FYTTD1: variants seen among roughly 807,000 people sequenced by gnomAD.
FYTTD1 encodes the protein forty-two-three domain containing 1.
Under a neutral mutation model 40.9 loss-of-function variants are expected in FYTTD1, and 22 were observed. That is an observed-to-expected ratio of 0.54 (90% CI 0.38 to 0.77). FYTTD1 has a LOEUF of 0.77. Among genes scored for constraint, FYTTD1 ranks in the 30% least tolerant of loss-of-function variants. The pLI, the probability that FYTTD1 is intolerant of heterozygous loss-of-function variation, is 0.00. For missense variants in FYTTD1, 351 were observed against 392.2 expected (o/e 0.90, Z 0.89); for synonymous variants, 140 against 137.9 (o/e 1.01, Z -0.10).
intron 2 of FYTTD1, among the ~76,000 whole-genome samples, 192 bp downstream of exon 2, chr3:197,756,749 C>G (rs905594487): frequency 1.3e-5 from 2 of 152,212 alleles, no homozygotes; most frequent in Admixed American, 6.5e-5. Context: ...GTAACACTGT[C>G]TCTTAAACGT....
chr3:197,774,003 G>A (rs1729797597), intron 5 of FYTTD1, 146 bp from the exon 6 acceptor site: 4 of 711,510 alleles, frequency 5.6e-6, no homozygotes, highest in Non-Finnish European at 9.9e-6. Context: ...ACGCCCCACT[G>A]GGTTAGGAAG....
At chr3:197,750,828 G>A (rs1307024363) in intron 1 of FYTTD1, 2 of 985,506 alleles carry the variant, frequency 2.0e-6, no homozygotes, top group Non-Finnish European at 2.4e-6. Context: ...GCCAGGTAAA[G>A]CGTGGGGTTC....
chr3:197,756,228 G>A (rs1482804824), intron 1 of FYTTD1, among the ~76,000 whole-genome samples, 198 bp from the exon 2 acceptor site: 3 of 152,096 alleles, frequency 2.0e-5, no homozygotes, highest in Non-Finnish European at 2.9e-5. Context: ...GAAATACTAT[G>A]GCCAATAGCA....
At chr3:197,765,072 C>T (rs546857643) in intron 2 of FYTTD1, among the ~76,000 whole-genome samples, 29 of 152,106 alleles carry the variant, frequency 1.9e-4, no homozygotes, top group African/African-American at 6.7e-4. Flanking sequence ...AGGCTGGTCT[C>T]GAACTCCTGA....
intron 1 of FYTTD1, among the ~76,000 whole-genome samples, chr3:197,752,646 CTA>C (rs528633535): frequency 4.6e-5 from 7 of 151,812 alleles, no homozygotes; most frequent in Admixed American, 1.3e-4. Flanking sequence ...TATACATACA[CTA>C]TATATATGTG....
intron 6 of FYTTD1, 25 bp from the exon 7 acceptor site, chr3:197,776,901 AT>A (rs763515831): frequency 1.5e-5 from 23 of 1,488,484 alleles, no homozygotes; most frequent in Admixed American, 3.4e-5. Flanking sequence ...CATTTAATGA[AT>A]TTTTTTTATT....
At chr3:197,778,949 T>C (rs888362368) in intron 8 of FYTTD1, among the ~76,000 whole-genome samples, 1 of 152,210 alleles carries the variant, frequency 6.6e-6, no homozygotes, top group Non-Finnish European at 1.5e-5. Flanking sequence ...TCTAACCTTT[T>C]GAGGAACTGC....
chr3:197,752,366 G>A (rs925526833), intron 1 of FYTTD1, among the ~76,000 whole-genome samples: 1 of 152,158 alleles, frequency 6.6e-6, no homozygotes, highest in Admixed American at 6.5e-5. Context: ...TTACCACATA[G>A]GGTTGCTGAA....
intron 2 of FYTTD1, among the ~76,000 whole-genome samples, chr3:197,765,750 A>G (rs1729524642): frequency 6.6e-6 from 1 of 151,048 alleles, no homozygotes; most frequent in Admixed American, 6.6e-5. Flanking sequence ...TAATCCAAGC[A>G]CTCTCGGAGG....
At chr3:197,769,629 A>T (rs1409246839) in intron 3 of FYTTD1, among the ~76,000 whole-genome samples, 3 of 152,028 alleles carry the variant, frequency 2.0e-5, no homozygotes, top group Admixed American at 2.0e-4. Flanking sequence ...TTCGCCTCTA[A>T]CCACGTCTAC....
chr3:197,774,336 T>C, intron 6 of FYTTD1, 126 bp downstream of exon 6: 2 of 762,020 alleles, frequency 2.6e-6, no homozygotes, highest in Non-Finnish European at 4.4e-6. Flanking sequence ...GTCTGAAAGC[T>C]GGGCATAGTG....
Position 197,781,998 on chromosome 3 carries a change from C to A in FYTTD1, c.*89C>A. ...CACGGAAATTCAAGAAACTTTACTT[C>A]AAAATATTCACAAGGCTAAATAACT... On this transcript the variant is annotated 3_prime_UTR_variant, in exon 9 of 9. Transcript: ENST00000241502. 4 of 614,630 alleles carry A rather than the reference C, an allele frequency of 6.5e-6. No homozygotes were observed. The highest frequency in any genetic ancestry group is 7.1e-5 in the South Asian group (2 of 28,098). The allele number at this position is 614,630 out of a possible 1,614,324, so 38.1% of individuals were successfully genotyped here.
At chr3:197,759,844 G>C (rs1290509171) in intron 2 of FYTTD1, among the ~76,000 whole-genome samples, 1 of 150,096 alleles carries the variant, frequency 6.7e-6, no homozygotes, top group Non-Finnish European at 1.5e-5. Flanking sequence ...AACGTATAGA[G>C]TGTTCTTCAG....
rs1730154406 is a variant in FYTTD1 at position 197,786,263 on chromosome 3, C to G, written c.*4354C>G. 6.6e-6 allele frequency: 1 copy of G among 151,832 alleles called. No individual in the cohort carries two copies. The highest frequency in any genetic ancestry group is 2.4e-5 in the African/African-American group (1 of 41,256). 9.4% of individuals were successfully genotyped at this position (151,832 alleles called of 1,614,324 possible). ...CCCAAGTGGCTGGGATTACAGGTGC[C>G]CACCACCATGCCCAGTTAATTTTGC... On this transcript the variant is annotated 3_prime_UTR_variant, in exon 9 of 9. Transcript: ENST00000241502.
At chr3:197,771,998 G>A (rs965569012) in intron 4 of FYTTD1, among the ~76,000 whole-genome samples, 8 of 152,004 alleles carry the variant, frequency 5.3e-5, no homozygotes, top group Admixed American at 5.3e-4. Flanking sequence ...GGAGGCTGAG[G>A]CAGGAGAATC....
chr3:197,758,412 A>T (rs570462424), intron 2 of FYTTD1, among the ~76,000 whole-genome samples: 1 of 152,192 alleles, frequency 6.6e-6, no homozygotes, highest in Non-Finnish European at 1.5e-5. Context: ...GTACATAAAG[A>T]TGTGGTCTTC....
chr3:197,770,360 G>A, intron 4 of FYTTD1, 116 bp downstream of exon 4: 1 of 659,738 alleles, frequency 1.5e-6, no homozygotes, highest in South Asian at 1.9e-5. Context: ...TTTCAAGACA[G>A]ATATTTGGGA....
chr3:197,782,054 TA>T lies in FYTTD1; in HGVS notation c.*156del, dbSNP rs1287058732. On this transcript the variant is annotated 3_prime_UTR_variant, in exon 9 of 9. Coordinates refer to ENST00000241502, the MANE Select transcript of FYTTD1 (RefSeq NM_032288.7). ...TTTTATTTTTGAAGGTTTTTTTTTTTAAAAAAAAAAACGTATAAAATAATGC... is the reference window on the plus strand; with the variant it reads ...TTTTATTTTTGAAGGTTTTTTTTTTTAAAAAAAAAACGTATAAAATAATGC... 0.01 allele frequency: 3,373 copies of T among 337,198 alleles called. 11 individuals carry two copies. Among genetic ancestry groups the T allele is most frequent in the Middle Eastern group, 0.036 (41 of 1,130 alleles). 20.9% of individuals were successfully genotyped at this position (337,198 alleles called of 1,614,324 possible).
chr3:197,774,255 G>C, intron 6 of FYTTD1, 45 bp downstream of exon 6: 5 of 1,437,482 alleles, frequency 3.5e-6, no homozygotes, highest in Non-Finnish European at 4.9e-6. Flanking sequence ...AAAACTCCCA[G>C]AATACTAACT....
Sources: allele counts gnomAD v4.1 joint callset (sites outside exome capture counted in the v4.1 genomes callset), GRCh38; gene constraint gnomAD v4.1.1; transcripts MANE v1.5; gene names NCBI Gene and HGNC (gene_info 2026-07-23, HGNC 2026-07-21).